The following TCF4 variants were observed in gnomAD, a reference collection of about 807,000 sequenced individuals.
The protein encoded by TCF4 is transcription factor 4.
Under a neutral mutation model 82.1 loss-of-function variants are expected in TCF4, and 3 were observed. The ratio of observed to expected loss-of-function variants is 0.04; its 90% CI spans 0.02 to 0.09. TCF4 has a LOEUF of 0.09. Ranked by LOEUF, TCF4 falls within the 10% of genes least tolerant of loss-of-function variation. The pLI is 1.00. For synonymous variants in TCF4, 276 were observed against 309.6 expected, an observed-to-expected ratio of 0.89 and a Z score of 1.14; for missense variants, 518 against 852.7, an observed-to-expected ratio of 0.61 and a Z score of 4.89.
At chr18:55,394,343 C>T (rs1043061731) in intron 6 of TCF4, among the ~76,000 whole-genome samples, 4 of 152,056 alleles carry the variant, frequency 2.6e-5, no homozygotes, top group Admixed American at 6.6e-5. Flanking sequence ...ATAATTATTC[C>T]GAAGCACGGA....
chr18:55,305,900 C>T (rs1206017743), intron 8 of TCF4, among the ~76,000 whole-genome samples: 1 of 152,156 alleles, frequency 6.6e-6, no homozygotes, highest in Non-Finnish European at 1.5e-5. Context: ...TAGTGTGTCA[C>T]TCCCACTCCA....
chr18:55,255,154 G>A (rs1339836371), intron 14 of TCF4, among the ~76,000 whole-genome samples: 1 of 152,030 alleles, frequency 6.6e-6, no homozygotes, highest in African/African-American at 2.4e-5. Flanking sequence ...CTTCCCTGTG[G>A]TATATGACCC....
intron 3 of TCF4, among the ~76,000 whole-genome samples, chr18:55,520,876 A>G (rs2096927258): frequency 6.6e-6 from 1 of 152,240 alleles, no homozygotes; most frequent in African/African-American, 2.4e-5. Context: ...CTGTGAAATC[A>G]GTGTTCCTTA....
intron 6 of TCF4, among the ~76,000 whole-genome samples, chr18:55,375,517 C>T (rs538097189): frequency 9.9e-5 from 15 of 152,224 alleles, no homozygotes; most frequent in Admixed American, 3.9e-4. Context: ...ATTCTCTTAA[C>T]ACTCTCCTGT....
chr18:55,317,392 G>A (rs1264018101), intron 8 of TCF4, among the ~76,000 whole-genome samples: 2 of 151,892 alleles, frequency 1.3e-5, no homozygotes, highest in Non-Finnish European at 2.9e-5. Context: ...TTATAATCAT[G>A]GTTCTGAAAA....
intron 6 of TCF4, among the ~76,000 whole-genome samples, chr18:55,383,708 G>A (rs1311607949): frequency 6.6e-6 from 1 of 152,188 alleles, no homozygotes; most frequent in African/African-American, 2.4e-5. Flanking sequence ...TACATTCCAT[G>A]CTACTGCATA....
At chr18:55,555,486 A>G (rs2097295926) in intron 3 of TCF4, among the ~76,000 whole-genome samples, 2 of 152,236 alleles carry the variant, frequency 1.3e-5, no homozygotes, top group Admixed American at 1.3e-4. Flanking sequence ...TTTAGATCTA[A>G]TAGAAAAATA....
chr18:55,542,116 T>A (rs1001998723), intron 3 of TCF4, among the ~76,000 whole-genome samples: 1 of 151,990 alleles, frequency 6.6e-6, no homozygotes, highest in African/African-American at 2.4e-5. Flanking sequence ...TGTAAAACTG[T>A]GAACACAAAA....
At chr18:55,542,752 G>A (rs1315526683) in intron 3 of TCF4, among the ~76,000 whole-genome samples, 1 of 151,904 alleles carries the variant, frequency 6.6e-6, no homozygotes, top group African/African-American at 2.4e-5. Context: ...ATTTATGAAG[G>A]CAAAATCCAA....
intron 6 of TCF4, among the ~76,000 whole-genome samples, chr18:55,369,472 C>A (rs945843333): frequency 6.6e-6 from 1 of 152,138 alleles, no homozygotes; most frequent in Non-Finnish European, 1.5e-5. Flanking sequence ...GGCCCCTGTG[C>A]CACAATGCCA....
chr18:55,502,379 G>A (rs746811102), intron 3 of TCF4, among the ~76,000 whole-genome samples: 17 of 152,156 alleles, frequency 1.1e-4, no homozygotes, highest in Non-Finnish European at 1.9e-4. Context: ...GGTCCTTTTG[G>A]TCATCTCATC....
At position 55,515,821 on chromosome 18, in the gene TCF4, G is replaced by A. The variant is rs142210676; in HGVS notation, c.146-51684C>T. 1.4e-4 allele frequency among the ~76,000 whole-genome samples: 21 copies of A among 152,164 alleles called. No individual in the cohort carries two copies. The East Asian group carries it at 2.7e-3, about 20-fold the overall frequency. ...TCTCAAAATTTGGAGGGGGGTGGGC[G>A]TATTTAAATTCATCTTTAAATTTAA... On this transcript the variant is annotated intron_variant, in intron 3 of 19. Coordinates refer to ENST00000354452, the MANE Select transcript of TCF4 (RefSeq NM_001083962.2).
At chr18:55,408,703 A>G (rs1485809991) in intron 5 of TCF4, among the ~76,000 whole-genome samples, 5 of 152,198 alleles carry the variant, frequency 3.3e-5, no homozygotes, top group African/African-American at 1.2e-4. Context: ...TGAGATCTAG[A>G]AAATTGCCCA....
chr18:55,516,109 G>T (rs905550246), intron 3 of TCF4, among the ~76,000 whole-genome samples: 1 of 152,112 alleles, frequency 6.6e-6, no homozygotes, highest in Non-Finnish European at 1.5e-5. Flanking sequence ...GTGTAACAGC[G>T]ATCATTCAGT....
chr18:55,342,909 AT>A (rs2080299847), intron 8 of TCF4, among the ~76,000 whole-genome samples: 1 of 152,118 alleles, frequency 6.6e-6, no homozygotes, highest in African/African-American at 2.4e-5. Flanking sequence ...TAATGATATA[AT>A]GATATACTGT....
At chr18:55,621,350 AT>A (rs2097717842) in intron 2 of TCF4, among the ~76,000 whole-genome samples, 1 of 142,044 alleles carries the variant, frequency 7.0e-6, no homozygotes, top group South Asian at 2.1e-4. Flanking sequence ...TTTTTAAGTA[AT>A]AAAAAAGATA....
At chr18:55,395,747 A>C (rs1368028510) in intron 6 of TCF4, among the ~76,000 whole-genome samples, 1 of 152,222 alleles carries the variant, frequency 6.6e-6, no homozygotes, top group Non-Finnish European at 1.5e-5. Flanking sequence ...TTCTGCCTAC[A>C]TTGCACAAAA....
intron 3 of TCF4, among the ~76,000 whole-genome samples, chr18:55,487,588 TG>T (rs1187674245): frequency 6.6e-6 from 1 of 152,204 alleles, no homozygotes; most frequent in Non-Finnish European, 1.5e-5. Flanking sequence ...GTTTTTTAAA[TG>T]GTGATAGAAA....
chr18:55,434,799 T>TGTGTG (rs1556349259), intron 5 of TCF4, among the ~76,000 whole-genome samples: 4 of 151,280 alleles, frequency 2.6e-5, no homozygotes, highest in Non-Finnish European at 5.9e-5. Context: ...TGTGTGTGTA[T>TGTGTG]TTTAATTTTT....
Sources: gnomAD v4.1 joint callset for allele counts (sites outside exome capture counted in the v4.1 genomes callset) on GRCh38, gnomAD v4.1.1 for gene constraint, MANE v1.5 for transcripts, NCBI Gene and HGNC (gene_info 2026-07-23, HGNC 2026-07-21) for gene names.